MOB4: variants seen among roughly 807,000 people sequenced by gnomAD.
The protein encoded by MOB4 is MOB-like protein phocein.
MOB4 carries 4 observed loss-of-function variants against 32.2 expected under a neutral mutation model. The observed-to-expected ratio is 0.12, with a 90% CI of 0.06 to 0.28. The LOEUF (loss-of-function observed/expected upper bound fraction) is 0.28. Among genes scored for constraint, MOB4 ranks in the 10% least tolerant of loss-of-function variants. The pLI is 1.00. For synonymous variants in MOB4, 88 were observed against 88.1 expected (o/e 1.00, Z 0.01); for missense variants, 158 against 271.2 (o/e 0.58, Z 2.93).
chr2:197,523,591 G>A lies in MOB4; in HGVS notation c.61-33G>A, dbSNP rs540371188. The stretch of plus-strand genomic sequence containing the variant: ...TTGAAGTTAATCATAATAGTATTTT[G>A]TATGTGCTTTAACCGTGAATTTATT... On this transcript the variant is annotated intron_variant, in intron 1 of 7. Coordinates refer to ENST00000323303, the MANE Select transcript of MOB4 (RefSeq NM_015387.5). The A allele has an allele frequency of 8.3e-5, 132 of 1,592,412 alleles. No individual in the cohort carries two copies. The South Asian group carries it at 1.4e-3, about 17-fold the overall frequency.
chr2:197,515,870 C>T, upstream of MOB4: 1 of 557,912 alleles, frequency 1.8e-6, no homozygotes, highest in South Asian at 2.1e-5. Flanking sequence ...TGCCTCAGTC[C>T]CTGCCAGTAG....
chr2:197,524,530 C>CAAAAAAAAAAAA (rs58552334), intron 2 of MOB4, among the ~76,000 whole-genome samples: 2 of 108,950 alleles, frequency 1.8e-5, no homozygotes, highest in African/African-American at 6.7e-5. Context: ...GACTCTGTCT[C>CAAAAAAAAAAAA]AAAAAAAAAA....
intron 2 of MOB4, among the ~76,000 whole-genome samples, chr2:197,524,549 A>G (rs924805141): frequency 5.5e-5 from 8 of 144,366 alleles, no homozygotes; most frequent in African/African-American, 2.1e-4. Context: ...AAAAAAAAAC[A>G]AAAACAAAAA....
At chr2:197,546,170 T>C (rs957152078) in intron 5 of MOB4, among the ~76,000 whole-genome samples, 2 of 152,060 alleles carry the variant, frequency 1.3e-5, no homozygotes, top group Admixed American at 6.6e-5. Context: ...CTTGCCATTC[T>C]CCTGCCTCAG....
In MOB4 at chr2:197,552,518, A is replaced by G. The variant is rs1028003588; in HGVS notation, c.*1872A>G. The G allele has an allele frequency of 3.3e-5, 5 of 152,312 alleles. No individual in the cohort carries two copies. The highest frequency in any genetic ancestry group is 3.3e-4 in the Admixed American group (5 of 15,270). The allele number at this position is 152,312 out of a possible 1,614,324, so 9.4% of individuals were successfully genotyped here. ...AAACACATTTTGAATAATATGGCTT[A>G]GTGTTAACGGGGACTTAAATATGAT... is the stretch of plus-strand genomic sequence containing the variant. On this transcript the variant is annotated 3_prime_UTR_variant, in exon 8 of 8. Transcript: ENST00000323303.
At chr2:197,548,596 C>T (rs2087039321) in intron 6 of MOB4, among the ~76,000 whole-genome samples, 181 bp downstream of exon 6, 1 of 151,818 alleles carries the variant, frequency 6.6e-6, no homozygotes, top group African/African-American at 2.4e-5. Flanking sequence ...GCACGTTGTG[C>T]ACATGTACCC....
chr2:197,546,736 A>G (rs2087000291), intron 5 of MOB4, among the ~76,000 whole-genome samples: 1 of 152,172 alleles, frequency 6.6e-6, no homozygotes, highest in Non-Finnish European at 1.5e-5. Context: ...CTTGCATTAT[A>G]CAGTTGACCC....
chr2:197,545,421 TG>T lies in MOB4; in HGVS notation c.355-2911del, dbSNP rs567281602. On this transcript the variant is annotated intron_variant, in intron 5 of 7. Transcript: ENST00000323303. ...TAATTTGTATTATTTTTTATTGTTA[TG>T]GGGTTTTAAAGTGTAGTTTTGATCT... 1.1e-3 allele frequency among the ~76,000 whole-genome samples: 166 copies of T among 152,322 alleles called. 1 individual carries two copies. Among genetic ancestry groups the T allele is most frequent in the African/African-American group, 3.9e-3 (163 of 41,576 alleles).
rs577844764 is a variant in MOB4 at position 197,544,569 on chromosome 2, C to T, written c.355-3767C>T. The stretch of plus-strand genomic sequence containing the variant: ...GAGATCAAGACCATCCTGGCTAACA[C>T]GGTGAAACCCCATCTCTGCTAAAAA... On this transcript the variant is annotated intron_variant, in intron 5 of 7. Coordinates refer to ENST00000323303, the MANE Select transcript of MOB4 (RefSeq NM_015387.5). 6.3e-4 allele frequency among the ~76,000 whole-genome samples: 96 copies of T among 152,150 alleles called. 2 individuals carry two copies. In the South Asian group the frequency reaches 8.7e-3, roughly 14 times the overall value.
intron 1 of MOB4, among the ~76,000 whole-genome samples, chr2:197,519,526 C>T (rs1367558665): frequency 6.6e-6 from 1 of 152,106 alleles, no homozygotes; most frequent in African/African-American, 2.4e-5. Context: ...TAATGCAATG[C>T]GTGTTCTGTA....
At chr2:197,528,631 T>G (rs1222515350) in intron 2 of MOB4, among the ~76,000 whole-genome samples, 1 of 149,980 alleles carries the variant, frequency 6.7e-6, no homozygotes, top group Non-Finnish European at 1.5e-5. Flanking sequence ...TTTTTTTTTT[T>G]TTGAGACGGA....
intron 1 of MOB4, 25 bp downstream of exon 1, chr2:197,516,171 C>T (rs1382588020): frequency 5.0e-6 from 8 of 1,587,926 alleles, no homozygotes; most frequent in Middle Eastern, 3.4e-4. Context: ...CTTTTCTTGT[C>T]GGGCAACTAG....
Position 197,550,768 on chromosome 2 carries a change from G to T in MOB4, c.*122G>T. 8.0e-7 allele frequency: 1 copy of T among 1,252,930 alleles called. No individual in the cohort carries two copies. Among genetic ancestry groups the T allele is most frequent in the Non-Finnish European group, 1.0e-6 (1 of 961,494 alleles). The allele number at this position is 1,252,930 out of a possible 1,614,324, so 77.6% of individuals were successfully genotyped here. ...CTTTGTTTAGTATAGGTTTTTGTAT[G>T]CTGGGTTTGCCTTTTAAAATGGGAA... On this transcript the variant is annotated 3_prime_UTR_variant, in exon 8 of 8. Transcript: ENST00000323303.
rs1042847090 is a variant in MOB4, at chr2:197,550,871, G to A, written c.*225G>A. The A allele has an allele frequency of 6.8e-6, 2 of 293,434 alleles. No individual in the cohort carries two copies. Among genetic ancestry groups the A allele is most frequent in the Non-Finnish European group, 1.2e-5 (2 of 169,722 alleles). The allele number at this position is 293,434 out of a possible 1,614,324, so 18.2% of individuals were successfully genotyped here. A position where few individuals can be genotyped will look rare whatever the true frequency, so the allele number is the denominator to read the frequency against. On this transcript the variant is annotated 3_prime_UTR_variant, in exon 8 of 8. Coordinates refer to ENST00000323303, the MANE Select transcript of MOB4 (RefSeq NM_015387.5). The stretch of plus-strand genomic sequence containing the variant: ...TTTTTAAATAAGATTAGTATTATCT[G>A]TTTATAATGCCTGTTAATAAAAGAA...
chr2:197,537,289 A>G (rs62281274), intron 3 of MOB4, among the ~76,000 whole-genome samples: 1 of 152,212 alleles, frequency 6.6e-6, no homozygotes, highest in Non-Finnish European at 1.5e-5. Flanking sequence ...TCTTGAAATT[A>G]TAAATTTTCC....
rs1242282778 is a variant in MOB4 at position 197,524,643 on chromosome 2, AT to A, written c.123+965del. Among the ~76,000 whole-genome samples the A allele has an allele frequency of 2.0e-5, 3 of 151,976 alleles. No individual in the cohort carries two copies. In the East Asian group the frequency reaches 5.8e-4, roughly 29 times the overall value. ...GTATATTGGATTAGGCATTGGTTAA[AT>A]TTTTTTTGTTTTGAATTTTTAGTAG... is the stretch of plus-strand genomic sequence containing the variant. On this transcript the variant is annotated intron_variant, in intron 2 of 7. Transcript: ENST00000323303.
chr2:197,523,598 C>T lies in MOB4; in HGVS notation c.61-26C>T, dbSNP rs746874716. 3 of 1,602,346 alleles carry T rather than the reference C, an allele frequency of 1.9e-6. No homozygotes were observed. In the East Asian group the frequency reaches 6.7e-5, roughly 36 times the overall value. On this transcript the variant is annotated intron_variant, in intron 1 of 7. Transcript: ENST00000323303. ...TAATCATAATAGTATTTTGTATGTG[C>T]TTTAACCGTGAATTTATTTTTATAG...
intron 6 of MOB4, among the ~76,000 whole-genome samples, chr2:197,549,831 G>A (rs1319490231): frequency 2.7e-5 from 4 of 146,780 alleles, no homozygotes; most frequent in Non-Finnish European, 4.5e-5. Context: ...GATTACAGGC[G>A]TGAGCCACCA....
intron 2 of MOB4, among the ~76,000 whole-genome samples, chr2:197,526,708 A>G (rs1397832483): frequency 6.6e-6 from 1 of 152,236 alleles, no homozygotes; most frequent in African/African-American, 2.4e-5. Flanking sequence ...AACATTGGGA[A>G]TATAATTAAT....
Sources: gnomAD v4.1 joint callset for allele counts (sites outside exome capture counted in the v4.1 genomes callset) on GRCh38, gnomAD v4.1.1 for gene constraint, MANE v1.5 for transcripts, NCBI Gene and HGNC (gene_info 2026-07-23, HGNC 2026-07-21) for gene names.